Variants in ZNF536 observed in about 807,000 individuals in gnomAD.
ZNF536 encodes the protein zinc finger protein 536.
In ZNF536, 13 loss-of-function variants were observed where a neutral mutation model predicts 84.5. That is an observed-to-expected ratio of 0.15 (90% CI 0.10 to 0.24). The LOEUF (loss-of-function observed/expected upper bound fraction) is 0.24, where lower values mean the gene tolerates loss of function less well. Among genes scored for constraint, ZNF536 ranks in the 10% least tolerant of loss-of-function variants. The probability of loss-of-function intolerance (pLI) is 1.00; values close to 1 mark genes in which losing one functional copy is unlikely to be tolerated. For synonymous variants in ZNF536, 811 were observed against 742.5 expected, an observed-to-expected ratio of 1.09 and a Z score of -1.50; for missense variants, 1,536 against 1,747.5, an observed-to-expected ratio of 0.88 and a Z score of 2.16.
intron 1 of ZNF536, among the ~76,000 whole-genome samples, chr19:30,269,296 G>A (rs1023702483): frequency 2.6e-5 from 4 of 152,164 alleles, no homozygotes; most frequent in Non-Finnish European, 5.9e-5. Context: ...GGACTCAGTG[G>A]GAGGCTCTGG....
In ZNF536 at chr19:30,235,912, G is replaced by A. The variant is rs560662778; in HGVS notation, c.-190+7239G>A. ...ATTTCAGCAGCCTTAAATCTGCACC[G>A]AGCAGAGAGCGTCTCACGGATAGAA... On this transcript the variant is annotated intron_variant, in intron 1 of 5. Transcript: ENST00000585628. Among the ~76,000 whole-genome samples, 27 of 152,348 alleles carry A rather than the reference G, an allele frequency of 1.8e-4. No homozygotes were observed. In the East Asian group the frequency reaches 2.3e-3, roughly 13 times the overall value.
intron 1 of ZNF536, among the ~76,000 whole-genome samples, chr19:30,632,413 C>T (rs2048917762): frequency 6.6e-6 from 1 of 152,184 alleles, no homozygotes. Context: ...CGAGATCAGT[C>T]TGTCCAACAT....
At chr19:30,366,621 TATCTATCATCTATCC>T (rs1031805677) in intron 3 of ZNF536, among the ~76,000 whole-genome samples, 1 of 147,352 alleles carries the variant, frequency 6.8e-6, no homozygotes, top group Non-Finnish European at 1.5e-5. Flanking sequence ...TCTATCTATC[TATCTATCATCTATCC>T]ATCTATCCCC....
chr19:30,388,247 C>G (rs1315178211), intron 1 of ZNF536, among the ~76,000 whole-genome samples: 1 of 152,146 alleles, frequency 6.6e-6, no homozygotes, highest in Non-Finnish European at 1.5e-5. Context: ...CCTGGGACCT[C>G]GGTCAAAGTA....
intron 2 of ZNF536, among the ~76,000 whole-genome samples, chr19:30,530,535 T>C (rs138563034): frequency 1.7e-3 from 260 of 152,224 alleles, no homozygotes; most frequent in African/African-American, 6.1e-3. Context: ...TTAGTAGAAA[T>C]GGCGTTTTAC....
chr19:30,489,507 G>A (rs866432765), intron 2 of ZNF536, among the ~76,000 whole-genome samples: 48 of 152,206 alleles, frequency 3.2e-4, no homozygotes, highest in Middle Eastern at 6.8e-3. Flanking sequence ...GCTTGAGCCC[G>A]GGAGGTCCAG....
chr19:30,228,190 TC>T (rs2022729813), upstream of ZNF536: 1 of 152,010 alleles, frequency 6.6e-6, no homozygotes, highest in South Asian at 2.1e-4. The surrounding 1 kb of genome is among the most constrained non-coding windows in gnomAD (Gnocchi z 4.5). Context: ...GGGGGGGCGA[TC>T]TTTTCCCATC....
intron 3 of ZNF536, among the ~76,000 whole-genome samples, chr19:30,364,705 G>A (rs1041749354): frequency 6.6e-6 from 1 of 152,162 alleles, no homozygotes; most frequent in African/African-American, 2.4e-5. Flanking sequence ...ACGCTCTCAG[G>A]CCAGGGCATG....
chr19:30,569,556 G>GTTTTTTTTTT (rs1193738249), intron 1 of ZNF536, among the ~76,000 whole-genome samples: 18 of 80,416 alleles, frequency 2.2e-4, no homozygotes, highest in Admixed American at 4.3e-4. Context: ...CCAGATAAAC[G>GTTTTTTTTTT]TTCTTTTTTT....
At position 30,330,319 on chromosome 19, in the gene ZNF536, G is replaced by A. The variant is rs77154526; in HGVS notation, c.-119-22049G>A. On this transcript the variant is annotated intron_variant, in intron 2 of 5. Coordinates refer to the ZNF536 transcript ENST00000585628. ...CTTGGACAAAAGTTGTGGAACCGAGGCAGAAACTCACTCTTGAGTGGTCAG... is the reference window on the plus strand; with the variant it reads ...CTTGGACAAAAGTTGTGGAACCGAGACAGAAACTCACTCTTGAGTGGTCAG... 3.3e-5 allele frequency among the ~76,000 whole-genome samples: 5 copies of A among 152,274 alleles called. No homozygotes were observed. The East Asian group carries it at 9.6e-4, about 29-fold the overall frequency.
At chr19:30,556,608 G>T (rs924670958) in intron 4 of ZNF536, 2 of 152,340 alleles carry the variant, frequency 1.3e-5, no homozygotes, top group African/African-American at 4.8e-5. Flanking sequence ...TTTGCCAAAT[G>T]GTCCACTCGT....
At chr19:30,365,764 C>T (rs1180906143) in intron 3 of ZNF536, among the ~76,000 whole-genome samples, 1 of 152,158 alleles carries the variant, frequency 6.6e-6, no homozygotes, top group Admixed American at 6.5e-5. Flanking sequence ...GAGTGAGAAC[C>T]ACCTGCTTGT....
chr19:30,299,746 T>C (rs2046118413), intron 2 of ZNF536, among the ~76,000 whole-genome samples: 1 of 152,144 alleles, frequency 6.6e-6, no homozygotes, highest in South Asian at 2.1e-4. Context: ...TATGAGTGAG[T>C]TATGAAGATG....
At chr19:30,351,340 A>G (rs1381805221) in intron 2 of ZNF536, among the ~76,000 whole-genome samples, 1 of 152,224 alleles carries the variant, frequency 6.6e-6, no homozygotes, top group Admixed American at 6.5e-5. Context: ...TATGGTTTCA[A>G]AGAATGCACT....
intron 1 of ZNF536, among the ~76,000 whole-genome samples, chr19:30,617,364 T>TTTTTTTTTTTTTTC (rs2048337714): frequency 8.3e-6 from 1 of 120,344 alleles, no homozygotes; most frequent in East Asian, 2.5e-4. Flanking sequence ...TTTTTTTTTT[T>TTTTTTTTTTTTTTC]TTATGAGATG....
At chr19:30,237,608 G>A (rs1469033626) in intron 1 of ZNF536, among the ~76,000 whole-genome samples, 1 of 152,208 alleles carries the variant, frequency 6.6e-6, no homozygotes, top group East Asian at 1.9e-4. Context: ...AACCTTCAGA[G>A]TAACATGAGG....
chr19:30,685,886 G>C (rs773340659), intron 1 of ZNF536, among the ~76,000 whole-genome samples: 2 of 152,106 alleles, frequency 1.3e-5, no homozygotes, highest in Non-Finnish European at 2.9e-5. Context: ...TTCTTTGTTC[G>C]GAAGACAGGC....
At chr19:30,446,935 G>T (rs2052380456) in intron 2 of ZNF536, among the ~76,000 whole-genome samples, 1 of 152,120 alleles carries the variant, frequency 6.6e-6, no homozygotes, top group Admixed American at 6.6e-5. Context: ...CTTACTAATG[G>T]ATAGTAAATT....
intron 1 of ZNF536, among the ~76,000 whole-genome samples, chr19:30,396,596 T>TTTTTC (rs1568388853): frequency 6.9e-6 from 1 of 144,700 alleles, no homozygotes; most frequent in African/African-American, 2.5e-5. Context: ...CTCTCTCTTT[T>TTTTTC]TTTTTTTTTT....
Sources: gnomAD v4.1 joint callset for allele counts (sites outside exome capture counted in the v4.1 genomes callset) on GRCh38, gnomAD v4.1.1 for gene constraint, Gnocchi (gnomAD v3.1) non-coding constraint, MANE v1.5 for transcripts, NCBI Gene and HGNC (gene_info 2026-07-23, HGNC 2026-07-21) for gene names.